The following HGF variants were observed in gnomAD, a reference collection of about 807,000 sequenced individuals.
The protein encoded by HGF is fibroblast-derived tumor cytotoxic factor.
A neutral mutation model predicts 111.6 loss-of-function variants in HGF; 39 were observed. That is an observed-to-expected ratio of 0.35 (90% confidence interval 0.27 to 0.46). The LOEUF is 0.46. Ranked by LOEUF, HGF falls within the 20% of genes least tolerant of loss-of-function variation. The pLI is 1.00. For missense variants in HGF, 735 were observed against 910.5 expected, an observed-to-expected ratio of 0.81 and a Z score of 2.48; for synonymous variants, 285 against 294.8, an observed-to-expected ratio of 0.97 and a Z score of 0.34.
rs1365681296 is a variant in HGF, at chr7:81,720,817, A to G, written c.1199T>C (p.Met400Thr). 1.2e-6 allele frequency: 2 copies of G among 1,612,440 alleles called. No homozygotes were observed. The highest frequency in any genetic ancestry group is 1.7e-6 in the Non-Finnish European group (2 of 1,178,568). ...AGATCTTGTTTGGGATAAGTTGCCC[A>G]TATAATTTTTGCCATTCCCACGATA... is the stretch of plus-strand genomic sequence containing the variant. ...DCYRGNGKNYMGNLSQTRSGL... is the reference protein window; with the variant it reads ...DCYRGNGKNYTGNLSQTRSGL... Residue 400 changes from methionine to threonine, a missense_variant, in exon 10 of 18, where the codon ATG (methionine) becomes ACG (threonine). Met to Thr is a moderately conservative substitution (Grantham distance 81). Coordinates refer to ENST00000222390, the MANE Select transcript of HGF (RefSeq NM_000601.6).
At chr7:81,705,791 G>T (rs1789409569) in intron 15 of HGF, 38 bp from the exon 16 acceptor site, 2 of 1,188,364 alleles carry the variant, frequency 1.7e-6, no homozygotes, top group Admixed American at 3.4e-5. Context: ...ACTCTCAACT[G>T]GATTCAACAC....
intron 8 of HGF, among the ~76,000 whole-genome samples, chr7:81,728,771 C>T (rs1379794121): frequency 6.6e-6 from 1 of 152,164 alleles, no homozygotes. Context: ...GCTCATAGCT[C>T]TTCATTCAGA....
rs1046064681 is a variant in HGF at position 81,757,615 on chromosome 7, C to A, written c.368-312G>T. 3.3e-5 allele frequency among the ~76,000 whole-genome samples: 5 copies of A among 152,000 alleles called. No individual in the cohort carries two copies. In the South Asian group the frequency reaches 8.3e-4, roughly 25 times the overall value. On this transcript the variant is annotated intron_variant, in intron 3 of 17. Transcript: ENST00000222390. ...ATTATGATTTGCTCAAATATATAGA[C>A]CATTTTAAGAAAATATTAAAAACAA...
At chr7:81,719,172 G>A (rs1789789587) in intron 10 of HGF, among the ~76,000 whole-genome samples, 1 of 152,072 alleles carries the variant, frequency 6.6e-6, no homozygotes, top group African/African-American at 2.4e-5. Flanking sequence ...TGTGTCTAAT[G>A]TCCTCTTCCT....
At chr7:81,756,834 T>C (rs1221048869) in intron 4 of HGF, 2 of 292,424 alleles carry the variant, frequency 6.8e-6, no homozygotes, top group East Asian at 8.5e-5. Context: ...CTCAGTAAGA[T>C]TCTCATCTAC....
At chr7:81,745,989 C>G (rs945360407) in intron 5 of HGF, among the ~76,000 whole-genome samples, 5 of 152,180 alleles carry the variant, frequency 3.3e-5, no homozygotes, top group African/African-American at 1.2e-4. Context: ...CTTGGCTTTC[C>G]TATGAATCAG....
At chr7:81,734,458 T>C (rs553398305) in intron 7 of HGF, among the ~76,000 whole-genome samples, 5 of 152,282 alleles carry the variant, frequency 3.3e-5, no homozygotes, top group African/African-American at 1.2e-4. Flanking sequence ...TCTTGGAACA[T>C]TAATTTCACT....
rs144730144 is a variant in HGF at position 81,746,770 on chromosome 7, C to A, written c.626-1650G>T. ...ATTGAGCAGTATTATAAAAATTTTTCCTTGACTTACACATTTTAATGGTTT... is the reference window on the plus strand; with the variant it reads ...ATTGAGCAGTATTATAAAAATTTTTACTTGACTTACACATTTTAATGGTTT... On this transcript the variant is annotated intron_variant, in intron 5 of 17. Transcript: ENST00000222390. Among the ~76,000 whole-genome samples, 38 of 152,212 alleles carry A rather than the reference C, an allele frequency of 2.5e-4. 1 individual carries two copies. In the East Asian group the frequency reaches 7.1e-3, roughly 29 times the overall value.
chr7:81,737,247 C>G (rs917891086), intron 7 of HGF, among the ~76,000 whole-genome samples: 3 of 151,856 alleles, frequency 2.0e-5, no homozygotes, highest in Non-Finnish European at 4.4e-5. Flanking sequence ...GTGAAACAGA[C>G]CCTCCCATCT....
chr7:81,725,744 A>G (rs1301920281), intron 9 of HGF, 146 bp downstream of exon 9: 4 of 908,478 alleles, frequency 4.4e-6, no homozygotes, highest in Non-Finnish European at 7.3e-6. Context: ...ACATAAGAAA[A>G]ATCCAGCTTC....
chr7:81,715,421 G>A (rs1399584817), intron 11 of HGF, among the ~76,000 whole-genome samples: 2 of 151,938 alleles, frequency 1.3e-5, no homozygotes, highest in African/African-American at 4.8e-5. Context: ...TTAACATTGA[G>A]CCTATGCCAA....
intron 2 of HGF, among the ~76,000 whole-genome samples, chr7:81,760,685 G>A (rs968144321): frequency 6.9e-4 from 10 of 14,504 alleles, no homozygotes; most frequent in Non-Finnish European, 9.3e-4. Flanking sequence ...GCGTGCGTGT[G>A]TGTGTGTGTG....
intron 9 of HGF, among the ~76,000 whole-genome samples, chr7:81,721,394 T>C (rs771814524): frequency 4.6e-5 from 7 of 152,174 alleles, no homozygotes; most frequent in Non-Finnish European, 1.0e-4. Flanking sequence ...CAAATAATAA[T>C]TTAAAAACAA....
intron 9 of HGF, among the ~76,000 whole-genome samples, chr7:81,722,813 CA>C (rs552915726): frequency 0.013 from 1,168 of 91,162 alleles, 18 homozygotes; most frequent in African/African-American, 0.052. Context: ...GATTCTGTCT[CA>C]AAAAAAAAAA....
At chr7:81,755,777 T>C (rs533291204) in intron 4 of HGF, 2 of 491,268 alleles carry the variant, frequency 4.1e-6, no homozygotes, top group East Asian at 3.4e-5. Flanking sequence ...ATAAGGAAAA[T>C]ACTGTGTTTT....
intron 7 of HGF, among the ~76,000 whole-genome samples, chr7:81,730,565 T>C (rs1357394666): frequency 1.3e-5 from 2 of 152,210 alleles, no homozygotes; most frequent in African/African-American, 4.8e-5. Flanking sequence ...AAGATCTATC[T>C]CCTGCTTTTT....
chr7:81,758,066 A>G (rs1187676623), intron 3 of HGF, among the ~76,000 whole-genome samples: 1 of 152,124 alleles, frequency 6.6e-6, no homozygotes, highest in African/African-American at 2.4e-5. Flanking sequence ...TTAATAGGAC[A>G]TGGTTGTTTA....
intron 11 of HGF, among the ~76,000 whole-genome samples, chr7:81,716,794 G>C (rs1789723975): frequency 6.6e-6 from 1 of 152,106 alleles, no homozygotes; most frequent in African/African-American, 2.4e-5. Context: ...TTAAAGAACT[G>C]AGAAGGAAAT....
At chr7:81,736,300 C>G (rs1039064103) in intron 7 of HGF, among the ~76,000 whole-genome samples, 6 of 152,056 alleles carry the variant, frequency 3.9e-5, no homozygotes, top group Non-Finnish European at 8.8e-5. Context: ...TGACTCATTC[C>G]TTTGTCTAGC....
Sources: allele counts gnomAD v4.1 joint callset (sites outside exome capture counted in the v4.1 genomes callset), GRCh38; gene constraint gnomAD v4.1.1; transcripts MANE v1.5; gene names NCBI Gene and HGNC (gene_info 2026-07-23, HGNC 2026-07-21).